NHS: variants seen among roughly 807,000 people sequenced by gnomAD.
NHS encodes the protein actin remodeling regulator NHS.
Under a neutral mutation model 72.5 loss-of-function variants are expected in NHS, and 5 were observed. That is an observed-to-expected ratio of 0.07 (90% CI 0.04 to 0.14). The LOEUF (loss-of-function observed/expected upper bound fraction) is 0.14. NHS is among the 10% of genes least tolerant of loss of function. NHS has a pLI of 1.00. For synonymous variants in NHS, 464 were observed against 547.7 expected, an observed-to-expected ratio of 0.85 and a Z score of 2.13; for missense variants, 1,072 against 1,355.7, an observed-to-expected ratio of 0.79 and a Z score of 3.29.
intron 1 of NHS, among the ~76,000 whole-genome samples, chrX:17,537,793 C>G (rs1001736067): frequency 8.9e-6 from 1 of 111,973 alleles, no homozygotes; most frequent in Non-Finnish European, 1.9e-5. Context: ...AGGGTTTATT[C>G]AGATTTGAGG....
chrX:17,573,462 G>C (rs2065492942), intron 1 of NHS, among the ~76,000 whole-genome samples: 1 of 108,750 alleles, frequency 9.2e-6, no homozygotes, highest in African/African-American at 3.3e-5. Flanking sequence ...TCTTCTGCTT[G>C]ATCGAGTCAG....
chrX:17,433,196 CTTTTTTTTT>C (rs768285319), intron 1 of NHS, among the ~76,000 whole-genome samples: 114 of 64,598 alleles, frequency 1.8e-3, no homozygotes, highest in African/African-American at 6.1e-3. Context: ...CGCCCGGCTA[CTTTTTTTTT>C]TTTTTTTTTT....
At chrX:17,448,866 G>A (rs2064794110) in intron 1 of NHS, among the ~76,000 whole-genome samples, 1 of 112,297 alleles carries the variant, frequency 8.9e-6, no homozygotes, top group African/African-American at 3.2e-5. Flanking sequence ...CACACTGCAC[G>A]TTTGCTGGTC....
At chrX:17,440,258 TAAAAAAAAAAAAAAAAAA>T (rs1036618487) in intron 1 of NHS, among the ~76,000 whole-genome samples, 1 of 37,289 alleles carries the variant, frequency 2.7e-5, no homozygotes, top group South Asian at 1.5e-3. Flanking sequence ...GACTCAGTCT[TAAAAAAAAAAAAAAAAAA>T]AAAAAAAAAG....
chrX:17,415,071 C>T lies in NHS; in HGVS notation c.565+38749C>T, dbSNP rs892116698. 8.1e-5 allele frequency among the ~76,000 whole-genome samples: 9 copies of T among 111,109 alleles called. No homozygotes were observed. The East Asian group carries it at 1.1e-3, about 14-fold the overall frequency. ...GGATATCACATAGGGGTGGAGACCT[C>T]GCTGGGGACAGCTGAGCAGATGACA... On this transcript the variant is annotated intron_variant, in intron 1 of 8. Transcript: ENST00000676302.
chrX:17,721,847 G>A (rs1379984185), intron 5 of NHS, among the ~76,000 whole-genome samples: 1 of 111,642 alleles, frequency 9.0e-6, no homozygotes, highest in East Asian at 2.8e-4. Context: ...GTAAATTATG[G>A]ACAGTTTCTT....
intron 1 of NHS, among the ~76,000 whole-genome samples, chrX:17,425,549 A>G (rs1601700753): frequency 1.6e-4 from 9 of 56,919 alleles, no homozygotes; most frequent in Admixed American, 4.2e-4. Context: ...AAAAAAAAAA[A>G]AAAAAAAAAA....
intron 1 of NHS, among the ~76,000 whole-genome samples, chrX:17,449,670 A>G (rs1289168040): frequency 8.9e-6 from 1 of 112,226 alleles, no homozygotes; most frequent in African/African-American, 3.2e-5. Context: ...GAGGGATGCC[A>G]GGGGAGAGGA....
chrX:17,689,881 A>AT (rs1343567991), intron 2 of NHS, among the ~76,000 whole-genome samples: 8 of 112,237 alleles, frequency 7.1e-5, no homozygotes, highest in Non-Finnish European at 1.3e-4. Flanking sequence ...TTAGGATTTT[A>AT]TGGATTCCAC....
chrX:17,428,540 C>T (rs1259156962), intron 1 of NHS, among the ~76,000 whole-genome samples: 3 of 111,514 alleles, frequency 2.7e-5, no homozygotes, highest in African/African-American at 9.8e-5. Context: ...GGGCAATTTC[C>T]CTTTCTTTAT....
At position 17,566,964 on chromosome X, in the gene NHS, A is replaced by G. The variant is rs747489554; in HGVS notation, c.566-120778A>G. ...CACCAGATATACCTCTCAGAGTTAC[A>G]TTATAATCACTATTCATCTGCCTGT... On this transcript the variant is annotated intron_variant, in intron 1 of 8. Coordinates refer to ENST00000676302, the MANE Select transcript of NHS (RefSeq NM_001291867.2). Among the ~76,000 whole-genome samples the G allele has an allele frequency of 7.9e-4, 88 of 111,517 alleles. 1 individual carries two copies. Among genetic ancestry groups the G allele is most frequent in the African/African-American group, 2.5e-3 (78 of 30,713 alleles).
At chrX:17,630,408 C>T (rs933197923) in intron 1 of NHS, among the ~76,000 whole-genome samples, 1 of 109,020 alleles carries the variant, frequency 9.2e-6, no homozygotes, top group Non-Finnish European at 1.9e-5. Context: ...CAGGTTGGAG[C>T]TGGTAGTGGA....
At chrX:17,706,191 AAAACAAAACAAAAC>A (rs1262799713) in intron 3 of NHS, among the ~76,000 whole-genome samples, 1 of 111,081 alleles carries the variant, frequency 9.0e-6, no homozygotes, top group East Asian at 2.8e-4. Context: ...GACTGTCTCA[AAAACAAAACAAAAC>A]AAACAAAACA....
chrX:17,440,726 A>T (rs1234231865), intron 1 of NHS, among the ~76,000 whole-genome samples: 1 of 111,804 alleles, frequency 8.9e-6, no homozygotes, highest in Non-Finnish European at 1.9e-5. Flanking sequence ...TCAGTTCAGG[A>T]AGGGGCGAAC....
intron 1 of NHS, among the ~76,000 whole-genome samples, chrX:17,462,133 A>G (rs2064850371): frequency 9.0e-6 from 1 of 111,669 alleles, no homozygotes; most frequent in African/African-American, 3.3e-5. Flanking sequence ...GGCCATTTAA[A>G]TAATTATCCA....
At chrX:17,574,595 A>G (rs1019847476) in intron 1 of NHS, among the ~76,000 whole-genome samples, 3 of 112,040 alleles carry the variant, frequency 2.7e-5, no homozygotes, top group Non-Finnish European at 3.8e-5. Context: ...TCCTCCAGGT[A>G]CAGTCACTCA....
At position 17,735,858 on chromosome X, in the gene NHS, C is replaced by CT. The variant is rs1241976603; in HGVS notation, c.*3397dup. On this transcript the variant is annotated 3_prime_UTR_variant, in exon 9 of 9. Coordinates refer to ENST00000676302, the MANE Select transcript of NHS (RefSeq NM_001291867.2). ...TTGTATATTTTAGAGCTGTGCAACA[C>CT]TTTAAGTCTTGTATTTATTTTTAGT... The CT allele has an allele frequency of 1.8e-5, 2 of 112,587 alleles. No homozygotes were observed. Among genetic ancestry groups the CT allele is most frequent in the Non-Finnish European group, 3.8e-5 (2 of 53,275 alleles). 9.3% of individuals were successfully genotyped at this position (112,587 alleles called of 1,213,427 possible). A position where few individuals can be genotyped will look rare whatever the true frequency, so the allele number is the denominator to read the frequency against.
chrX:17,545,310 C>G (rs1214957032), intron 1 of NHS, among the ~76,000 whole-genome samples: 1 of 112,326 alleles, frequency 8.9e-6, no homozygotes, highest in Non-Finnish European at 1.9e-5. Flanking sequence ...ATTATTTGCT[C>G]GGCTAATAGT....
At chrX:17,543,972 T>A (rs1173441254) in intron 1 of NHS, among the ~76,000 whole-genome samples, 2 of 112,174 alleles carry the variant, frequency 1.8e-5, no homozygotes, top group Non-Finnish European at 3.8e-5. Flanking sequence ...CTTTCCAGAT[T>A]GTTCTAATTG....
Sources: gnomAD v4.1 joint callset for allele counts (sites outside exome capture counted in the v4.1 genomes callset) on GRCh38, gnomAD v4.1.1 for gene constraint, MANE v1.5 for transcripts, NCBI Gene and HGNC (gene_info 2026-07-23, HGNC 2026-07-21) for gene names.